Variants in MDM4 observed in about 807,000 individuals in gnomAD.
The protein encoded by MDM4 is protein Mdm4.
MDM4 carries 2 observed loss-of-function variants against 60.2 expected under a neutral mutation model. The observed-to-expected ratio is 0.03, with a 90% CI of 0.01 to 0.10. The LOEUF (loss-of-function observed/expected upper bound fraction) is 0.10. Among genes scored for constraint, MDM4 ranks in the 10% least tolerant of loss-of-function variants. The pLI is 1.00. For synonymous variants in MDM4, 202 were observed against 198.1 expected (o/e 1.02, Z -0.17); for missense variants, 447 against 577.5 (o/e 0.77, Z 2.32).
rs965560901 is a variant in MDM4, at chr1:204,558,054, A to T, written c.*8372A>T. 1 of 184,312 alleles carries T rather than the reference A, an allele frequency of 5.4e-6. No individual in the cohort carries two copies. Among genetic ancestry groups the T allele is most frequent in the African/African-American group, 2.4e-5 (1 of 42,414 alleles). 11.4% of individuals were successfully genotyped at this position (184,312 alleles called of 1,614,324 possible). ...ATAGCTCTGTCTTTTTGGTGTTTGCACTATGTAATGCTTTTAATACTTTTT... is the reference window on the plus strand; with the variant it reads ...ATAGCTCTGTCTTTTTGGTGTTTGCTCTATGTAATGCTTTTAATACTTTTT... On this transcript the variant is annotated 3_prime_UTR_variant, in exon 11 of 11. Transcript: ENST00000367182.
chr1:204,531,223 G>A (rs569373740), intron 4 of MDM4, among the ~76,000 whole-genome samples: 1 of 152,302 alleles, frequency 6.6e-6, no homozygotes, highest in Admixed American at 6.5e-5. Flanking sequence ...AGAGTTTGAG[G>A]TTGATTGAAC....
At chr1:204,518,103 C>T (rs966901419) in intron 1 of MDM4, among the ~76,000 whole-genome samples, 1 of 152,176 alleles carries the variant, frequency 6.6e-6, no homozygotes, top group Non-Finnish European at 1.5e-5. Context: ...CTGCAGCAAG[C>T]CGGGATGGAG....
chr1:204,547,638 A>G (rs989244342), intron 10 of MDM4, among the ~76,000 whole-genome samples: 31 of 152,332 alleles, frequency 2.0e-4, no homozygotes, highest in Admixed American at 5.9e-4. Flanking sequence ...TTCATTGCCA[A>G]TGATCTGTGT....
chr1:204,545,901 A>G (rs1400302389), intron 9 of MDM4, among the ~76,000 whole-genome samples: 1 of 152,180 alleles, frequency 6.6e-6, no homozygotes, highest in African/African-American at 2.4e-5. Flanking sequence ...ACAGAGGTTC[A>G]TAATTGTTTC....
chr1:204,548,851 G>A (rs542209653), intron 10 of MDM4, among the ~76,000 whole-genome samples: 2 of 152,182 alleles, frequency 1.3e-5, no homozygotes, highest in African/African-American at 4.8e-5. Context: ...ACCGAGATGA[G>A]GTAGAAAGCC....
intron 1 of MDM4, among the ~76,000 whole-genome samples, chr1:204,521,761 C>T (rs1659590571): frequency 6.6e-6 from 1 of 152,148 alleles, no homozygotes; most frequent in Non-Finnish European, 1.5e-5. Flanking sequence ...TACCATGTTG[C>T]TCTACCATGT....
Position 204,550,908 on chromosome 1 carries a change from A to G in MDM4, c.*1226A>G. ...TTTATAGAAAAAGTCCTGTCATATA[A>G]ACTGGCAAAGTCTGTTCTTAATTTA... On this transcript the variant is annotated 3_prime_UTR_variant, in exon 11 of 11. Coordinates refer to ENST00000367182, the MANE Select transcript of MDM4 (RefSeq NM_002393.5). 1 of 181,804 alleles carries G rather than the reference A, an allele frequency of 5.5e-6. No individual in the cohort carries two copies. The highest frequency in any genetic ancestry group is 2.1e-3 in the Middle Eastern group (1 of 476). 11.3% of individuals were successfully genotyped at this position (181,804 alleles called of 1,614,324 possible). A position where few individuals can be genotyped will look rare whatever the true frequency, so the allele number is the denominator to read the frequency against.
chr1:204,541,547 T>A (rs780529395), intron 7 of MDM4, among the ~76,000 whole-genome samples: 2 of 152,180 alleles, frequency 1.3e-5, no homozygotes, highest in Non-Finnish European at 2.9e-5. Flanking sequence ...ATATGTAGTT[T>A]GTGATGAAAA....
intron 1 of MDM4, among the ~76,000 whole-genome samples, chr1:204,521,163 T>C (rs1558308765): frequency 6.6e-6 from 1 of 152,184 alleles, no homozygotes; most frequent in Non-Finnish European, 1.5e-5. Context: ...ATTAAATGGG[T>C]TTATATGTAT....
Position 204,546,821 on chromosome 1 carries a change from G to T in MDM4, c.847G>T (p.Asp283Tyr), listed in dbSNP as rs1201039598. 2 of 1,612,984 alleles carry T rather than the reference G, an allele frequency of 1.2e-6. No individual in the cohort carries two copies. The highest frequency in any genetic ancestry group is 2.2e-5 in the South Asian group (2 of 90,966). ...GGTGATTGAAGTGGGAAAAAATGAT[G>T]ACCTGGAGGACTCTAAGTCCTTAAG... ...KKVIEVGKND[D>Y]LEDSKSLSDD... Residue 283 changes from aspartate to tyrosine, a missense_variant, in exon 10 of 11, where the codon GAC becomes TAC. Asp to Tyr is a radical substitution (Grantham distance 160). Coordinates refer to ENST00000367182, the MANE Select transcript of MDM4 (RefSeq NM_002393.5).
At chr1:204,525,995 C>T (rs896347215) in intron 2 of MDM4, among the ~76,000 whole-genome samples, 1 of 152,070 alleles carries the variant, frequency 6.6e-6, no homozygotes, top group Non-Finnish European at 1.5e-5. Context: ...TGGGTCATGC[C>T]TATAATCCCA....
rs555176529 is a variant in MDM4 at position 204,517,038 on chromosome 1, C to T, written c.-36+529C>T. Among the ~76,000 whole-genome samples the T allele has an allele frequency of 2.0e-5, 3 of 152,104 alleles. No homozygotes were observed. In the East Asian group the frequency reaches 5.8e-4, roughly 29 times the overall value. On this transcript the variant is annotated intron_variant, in intron 1 of 10. Coordinates refer to ENST00000367182, the MANE Select transcript of MDM4 (RefSeq NM_002393.5). ...GTGGATCTACCTGAGGACAGGAGTT[C>T]GAGACCAACCTGGCCAACCTGGTGA...
At chr1:204,526,464 T>A in intron 3 of MDM4, 30 bp downstream of exon 3, 1 of 1,498,222 alleles carries the variant, frequency 6.7e-7, no homozygotes, top group African/African-American at 1.4e-5. Flanking sequence ...TCTCATTTTT[T>A]TTGTTTTTTT....
chr1:204,522,918 A>G (rs1197708497), intron 1 of MDM4, among the ~76,000 whole-genome samples: 12 of 149,076 alleles, frequency 8.0e-5, no homozygotes, highest in Non-Finnish European at 1.5e-4. Flanking sequence ...GTTGGAGTGC[A>G]ATGGTGCGAT....
At position 204,538,249 on chromosome 1, in the gene MDM4, C is replaced by G; in HGVS notation, c.452C>G (p.Thr151Arg). 1 of 1,611,838 alleles carries G rather than the reference C, an allele frequency of 6.2e-7. No homozygotes were observed. The highest frequency in any genetic ancestry group is 8.5e-7 in the Non-Finnish European group (1 of 1,177,886). The change falls in exon 7 of 11, where the codon ACA becomes AGA. Residue 151 changes from threonine to arginine, a missense_variant. By Grantham distance (71) the Thr-to-Arg change is moderately conservative. Around this residue, in one of 8 missense-constraint regions of MDM4, gnomAD observed 184 missense variants for 179.3 expected, o/e 1.03. Transcript: ENST00000367182. ...AGTTCCACTTCCAGAAAAAGAACTACAGAAGACGATATCCCCACACTGCCT... is the reference window on the plus strand; with the variant it reads ...AGTTCCACTTCCAGAAAAAGAACTAGAGAAGACGATATCCCCACACTGCCT... ...EESSTSRKRT[T>R]EDDIPTLPTS...
At chr1:204,532,680 A>G (rs1458395956) in intron 5 of MDM4, 29 of 1,353,932 alleles carry the variant, frequency 2.1e-5, no homozygotes, top group Non-Finnish European at 3.0e-5. Context: ...CAAAGTCCAC[A>G]CATTGCCTTT....
Position 204,551,712 on chromosome 1 carries a change from T to G in MDM4, c.*2030T>G, listed in dbSNP as rs775182612. On this transcript the variant is annotated 3_prime_UTR_variant, in exon 11 of 11. Transcript: ENST00000367182. The stretch of plus-strand genomic sequence containing the variant: ...ATTTTGAAGACCAAGGCCCTAGAAT[T>G]GTCAAACTTAAGGATCATAAAAATC... 1.3e-5 allele frequency: 3 copies of G among 230,476 alleles called. No homozygotes were observed. The highest frequency in any genetic ancestry group is 2.2e-5 in the African/African-American group (1 of 45,068). 14.3% of individuals were successfully genotyped at this position (230,476 alleles called of 1,614,324 possible).
rs1047209503 is a variant in MDM4 at position 204,530,824 on chromosome 1, A to G, written c.287+7A>G. On this transcript the variant is annotated splice_region_variant and intron_variant, in intron 4 of 10. Coordinates refer to ENST00000367182, the MANE Select transcript of MDM4 (RefSeq NM_002393.5). Reference sequence around the variant, plus strand: ...TCTCCGTGAAAGACCCAAGGTAAAAACAGTGAGGGCTTGCGTATCTTTTTG... The same window carrying G: ...TCTCCGTGAAAGACCCAAGGTAAAAGCAGTGAGGGCTTGCGTATCTTTTTG... The G allele has an allele frequency of 6.2e-7, 1 of 1,614,196 alleles. No individual in the cohort carries two copies. The highest frequency in any genetic ancestry group is 1.7e-5 in the Admixed American group (1 of 60,012).
At chr1:204,522,494 T>A (rs1268131217) in intron 1 of MDM4, among the ~76,000 whole-genome samples, 2 of 151,728 alleles carry the variant, frequency 1.3e-5, no homozygotes, top group Non-Finnish European at 1.5e-5. Context: ...GCTTCCCAAG[T>A]TCAGGCGATT....
Sources: allele counts gnomAD v4.1 joint callset (sites outside exome capture counted in the v4.1 genomes callset), GRCh38; gene constraint gnomAD v4.1.1; regional missense constraint gnomAD v4.1.1; transcripts MANE v1.5; gene names NCBI Gene and HGNC (gene_info 2026-07-23, HGNC 2026-07-21).